The following RARB variants were observed in gnomAD, a reference collection of about 807,000 sequenced individuals.
RARB encodes retinoic acid receptor beta.
RARB carries 17 observed loss-of-function variants against 51.9 expected under a neutral mutation model. That is an observed-to-expected ratio of 0.33 (90% confidence interval 0.22 to 0.49). RARB has a LOEUF of 0.49. Ranked by LOEUF, RARB falls within the 20% of genes least tolerant of loss-of-function variation. RARB has a pLI of 0.99. For synonymous variants in RARB, 215 were observed against 195.4 expected (o/e 1.10, Z -0.84); for missense variants, 369 against 550.8 (o/e 0.67, Z 3.30).
chr3:25,410,776 G>A (rs532032217), intron 5 of RARB, among the ~76,000 whole-genome samples: 2 of 152,338 alleles, frequency 1.3e-5, no homozygotes, highest in South Asian at 2.1e-4. Context: ...CACAGTCAGA[G>A]TATTTACGCC....
chr3:25,312,569 T>A (rs189360978), intron 5 of RARB, among the ~76,000 whole-genome samples: 5 of 152,342 alleles, frequency 3.3e-5, no homozygotes, highest in Admixed American at 3.3e-4. Context: ...TGTAATTTAG[T>A]GAGTGAGAGC....
intron 3 of RARB, among the ~76,000 whole-genome samples, chr3:25,093,263 A>G (rs1194995298): frequency 6.6e-6 from 1 of 152,226 alleles, no homozygotes; most frequent in African/African-American, 2.4e-5. Context: ...GGATTGGGAC[A>G]GAATATTGTT....
chr3:25,051,797 A>G (rs1161660214), intron 2 of RARB, among the ~76,000 whole-genome samples: 2 of 152,172 alleles, frequency 1.3e-5, no homozygotes, highest in African/African-American at 2.4e-5. Context: ...CTAAGAATTT[A>G]TGCAGATGAG....
At position 25,207,117 on chromosome 3, in the gene RARB, C is replaced by G. The variant is rs528982783; in HGVS notation, c.178+32542C>G. 2.8e-4 allele frequency among the ~76,000 whole-genome samples: 43 copies of G among 152,272 alleles called. No individual in the cohort carries two copies. The Middle Eastern group carries it at 0.01, about 36-fold the overall frequency. On this transcript the variant is annotated intron_variant, in intron 5 of 11. Transcript: ENST00000383772. ...TTATCAGTCTGGTCACATTTTGAAG[C>G]TCAGGGGAAAATGTATAAATCACTA... is the stretch of plus-strand genomic sequence containing the variant.
intron 2 of RARB, among the ~76,000 whole-genome samples, chr3:24,879,484 ATT>A (rs11417502): frequency 4.1e-5 from 5 of 121,456 alleles, no homozygotes; most frequent in African/African-American, 1.6e-4. Context: ...AAGGATCTCC[ATT>A]TTTTTTTTTT....
intron 3 of RARB, among the ~76,000 whole-genome samples, chr3:25,085,849 G>A (rs1699095004): frequency 6.6e-6 from 1 of 152,118 alleles, no homozygotes; most frequent in South Asian, 2.1e-4. Context: ...CACTATTATT[G>A]CAAGAATGAG....
chr3:24,862,348 C>T (rs1702768225), intron 2 of RARB, among the ~76,000 whole-genome samples: 1 of 152,110 alleles, frequency 6.6e-6, no homozygotes, highest in Non-Finnish European at 1.5e-5. Flanking sequence ...AAACGAATGT[C>T]CAAAGAGGTG....
intron 4 of RARB, among the ~76,000 whole-genome samples, chr3:25,162,523 T>A (rs910724772): frequency 6.6e-6 from 1 of 152,182 alleles, no homozygotes; most frequent in Non-Finnish European, 1.5e-5. Context: ...ACAATCTAAT[T>A]GCAGAATATT....
intron 5 of RARB, among the ~76,000 whole-genome samples, chr3:25,310,503 C>A (rs1446471608): frequency 6.6e-6 from 1 of 152,124 alleles, no homozygotes; most frequent in African/African-American, 2.4e-5. Flanking sequence ...ATGTAGTAAC[C>A]ACATGAGACC....
intron 2 of RARB, among the ~76,000 whole-genome samples, chr3:25,469,883 A>G (rs1695605251): frequency 1.3e-5 from 2 of 152,160 alleles, no homozygotes; most frequent in Admixed American, 1.3e-4. Context: ...CTTTTGGGGA[A>G]TGACCAGGCT....
At chr3:25,242,440 T>C (rs1702455088) in intron 5 of RARB, among the ~76,000 whole-genome samples, 1 of 152,160 alleles carries the variant, frequency 6.6e-6, no homozygotes, top group South Asian at 2.1e-4. Context: ...GGGTTTTAGG[T>C]CTTGTGTTTA....
At chr3:25,120,084 AGT>A (rs1156495642) in intron 3 of RARB, among the ~76,000 whole-genome samples, 1 of 152,120 alleles carries the variant, frequency 6.6e-6, no homozygotes, top group African/African-American at 2.4e-5. Flanking sequence ...ACAGGAATAA[AGT>A]GTGCATGGGT....
chr3:25,568,320 G>GT (rs1209387190), intron 3 of RARB, among the ~76,000 whole-genome samples: 2 of 152,182 alleles, frequency 1.3e-5, no homozygotes, highest in Non-Finnish European at 2.9e-5. Context: ...CCAAGACTCA[G>GT]TTTCTTCATC....
chr3:25,582,505 G>T (rs1054556871), intron 5 of RARB, among the ~76,000 whole-genome samples: 51 of 151,872 alleles, frequency 3.4e-4, no homozygotes, highest in African/African-American at 1.2e-3. Flanking sequence ...TTGTCTAGTT[G>T]CCAGATGATG....
chr3:25,054,336 T>A (rs529197749), intron 2 of RARB, among the ~76,000 whole-genome samples: 57 of 152,218 alleles, frequency 3.7e-4, no homozygotes, highest in African/African-American at 1.3e-3. Flanking sequence ...GATTGTGTAC[T>A]AGTTGGGGGA....
chr3:25,084,407 T>G (rs1208124648), intron 3 of RARB, among the ~76,000 whole-genome samples: 1 of 152,066 alleles, frequency 6.6e-6, no homozygotes, highest in Non-Finnish European at 1.5e-5. Flanking sequence ...TATACACAAG[T>G]GTACAAAACT....
intron 2 of RARB, among the ~76,000 whole-genome samples, chr3:25,052,832 A>C (rs555520916): frequency 2.6e-4 from 39 of 152,228 alleles, no homozygotes; most frequent in African/African-American, 9.4e-4. Flanking sequence ...TGACGAGAGA[A>C]GAGAAGCCAG....
intron 3 of RARB, among the ~76,000 whole-genome samples, chr3:25,553,282 G>A (rs1699919672): frequency 6.6e-6 from 1 of 152,078 alleles, no homozygotes; most frequent in Non-Finnish European, 1.5e-5. Flanking sequence ...AGGGAGGGTG[G>A]CCTCTGCCAC....
chr3:24,913,632 A>G (rs906953767), intron 2 of RARB, among the ~76,000 whole-genome samples: 8 of 152,146 alleles, frequency 5.3e-5, no homozygotes, highest in African/African-American at 1.9e-4. Context: ...AATGCCAGGA[A>G]TTTCTTTCAT....
Sources: gnomAD v4.1 joint callset for allele counts (sites outside exome capture counted in the v4.1 genomes callset) on GRCh38, gnomAD v4.1.1 for gene constraint, MANE v1.5 for transcripts, NCBI Gene and HGNC (gene_info 2026-07-23, HGNC 2026-07-21) for gene names.